Variants in ALKBH3 observed in about 807,000 individuals in gnomAD.
ALKBH3 encodes alpha-ketoglutarate-dependent dioxygenase alkB homolog 3.
Under a neutral mutation model 43.9 loss-of-function variants are expected in ALKBH3, and 51 were observed. That is an observed-to-expected ratio of 1.16 (90% CI 0.93 to 1.47). ALKBH3 has a LOEUF of 1.47. Among genes scored for constraint, ALKBH3 ranks in the 40% most tolerant of loss-of-function variants. The pLI is 0.00. For synonymous variants in ALKBH3, 102 were observed against 115.2 expected, an observed-to-expected ratio of 0.89 and a Z score of 0.73; for missense variants, 361 against 351.9, an observed-to-expected ratio of 1.03 and a Z score of -0.21.
intron 7 of ALKBH3, among the ~76,000 whole-genome samples, chr11:43,894,509 T>A (rs1189452772): frequency 6.6e-6 from 1 of 152,198 alleles, no homozygotes; most frequent in African/African-American, 2.4e-5. Flanking sequence ...ATCCCCTTTT[T>A]TCTTCCTTTT....
At chr11:43,906,739 C>T (rs1398497420) in intron 8 of ALKBH3, among the ~76,000 whole-genome samples, 1 of 152,064 alleles carries the variant, frequency 6.6e-6, no homozygotes, top group Admixed American at 6.5e-5. Context: ...AAAAGAAATA[C>T]TTGAAATCAA....
intron 4 of ALKBH3, among the ~76,000 whole-genome samples, chr11:43,884,760 T>A (rs2135175946): frequency 6.6e-6 from 1 of 152,308 alleles, no homozygotes; most frequent in South Asian, 2.1e-4. Flanking sequence ...TTATTATTTT[T>A]TATTTTTTTG....
chr11:43,883,205 T>C lies in ALKBH3; in HGVS notation c.183+17T>C. 6.3e-7 allele frequency: 1 copy of C among 1,594,712 alleles called. No homozygotes were observed. On this transcript the variant is annotated intron_variant, in intron 3 of 9. Transcript: ENST00000302708. ...CCTCAGCAGGTAAATTCATGGTTTT[T>C]TCTTCAATAGTGATAAAAATTTGCT... is the stretch of plus-strand genomic sequence containing the variant.
chr11:43,907,574 C>A (rs1185266504), intron 8 of ALKBH3, among the ~76,000 whole-genome samples: 3 of 152,142 alleles, frequency 2.0e-5, no homozygotes, highest in Admixed American at 6.6e-5. Context: ...CCTTGCCATA[C>A]TCTTAAGGAC....
rs1209899722 is a variant in ALKBH3, at chr11:43,881,022, C to CA, written c.-227dup. 3 of 152,266 alleles carry CA rather than the reference C, an allele frequency of 2.0e-5. No individual in the cohort carries two copies. The highest frequency in any genetic ancestry group is 4.4e-5 in the Non-Finnish European group (3 of 68,060). 9.4% of individuals were successfully genotyped at this position (152,266 alleles called of 1,614,324 possible). A position where few individuals can be genotyped will look rare whatever the true frequency, so the allele number is the denominator to read the frequency against. On this transcript the variant is annotated 5_prime_UTR_variant, in exon 1 of 10. Transcript: ENST00000302708. ...TCTTCCTGGGCGACCTCCGGGGCCT[C>CA]ATTCTAGGCCTCCTTAAAGAGAAGG...
chr11:43,905,091 T>G (rs1188208387), intron 8 of ALKBH3, among the ~76,000 whole-genome samples: 1 of 152,254 alleles, frequency 6.6e-6, no homozygotes, highest in Non-Finnish European at 1.5e-5. Context: ...TTTCCTGCAC[T>G]TTGTTCAAAT....
Position 43,895,360 on chromosome 11 carries a change from C to A in ALKBH3, c.459+3231C>A, listed in dbSNP as rs12577608. On this transcript the variant is annotated intron_variant, in intron 7 of 9. Transcript: ENST00000302708. ...TGGTAGTGAATAAGTCTCATGAGAT[C>A]TGATGGTTTTATAAATGGGAGTTCC... Among the ~76,000 whole-genome samples, 1,061 of 152,258 alleles carry A rather than the reference C, an allele frequency of 7.0e-3. 24 individuals are homozygous for A. The highest frequency in any genetic ancestry group is 0.054 in the East Asian group (281 of 5,172).
At chr11:43,891,966 G>A (rs758135118) in intron 6 of ALKBH3, 75 bp from the exon 7 acceptor site, 6 of 1,133,196 alleles carry the variant, frequency 5.3e-6, no homozygotes, top group Non-Finnish European at 7.9e-6. Flanking sequence ...ACATTGCAAG[G>A]CACAAAGTTG....
intron 7 of ALKBH3, among the ~76,000 whole-genome samples, chr11:43,896,530 G>C (rs1280240264): frequency 1.3e-5 from 2 of 152,080 alleles, no homozygotes; most frequent in African/African-American, 4.8e-5. Flanking sequence ...ATATTCACTG[G>C]CAGCTGATTA....
intron 8 of ALKBH3, among the ~76,000 whole-genome samples, chr11:43,906,766 T>A (rs1951899027): frequency 6.6e-6 from 1 of 152,240 alleles, no homozygotes; most frequent in Non-Finnish European, 1.5e-5. Context: ...ATAGCCATGA[T>A]CATTTAAAAA....
At chr11:43,885,423 A>C (rs544923457) in intron 4 of ALKBH3, among the ~76,000 whole-genome samples, 2 of 152,354 alleles carry the variant, frequency 1.3e-5, no homozygotes, top group South Asian at 4.1e-4. Context: ...CTATGCCTAC[A>C]TTTTGGCTGA....
At position 43,898,157 on chromosome 11, in the gene ALKBH3, A is replaced by G. The variant is rs541395893; in HGVS notation, c.460-3359A>G. On this transcript the variant is annotated intron_variant, in intron 7 of 9. Transcript: ENST00000302708. ...CCTGATAACAAACTAGATGCTGACT[A>G]CATCAAGAGATACCTGGGCGATTTG... The G allele has an allele frequency of 1.7e-3, 2,135 of 1,224,004 alleles. 6 individuals are homozygous for G. The highest frequency in any genetic ancestry group is 2.2e-3 in the Non-Finnish European group (1,826 of 825,528). 75.8% of individuals were successfully genotyped at this position (1,224,004 alleles called of 1,614,324 possible).
At chr11:43,909,292 G>T (rs1333354825) in intron 8 of ALKBH3, 4 of 152,200 alleles carry the variant, frequency 2.6e-5, no homozygotes, top group African/African-American at 9.7e-5. Context: ...AGATGACTTT[G>T]TGGGGTCCCA....
intron 8 of ALKBH3, 106 bp from the exon 9 acceptor site, chr11:43,918,932 C>G (rs1183939020): frequency 6.0e-6 from 5 of 830,888 alleles, no homozygotes; most frequent in Non-Finnish European, 9.9e-6. Flanking sequence ...TGGATTCCCA[C>G]AGTCTGGCTG....
intron 1 of ALKBH3, chr11:43,881,416 CAT>C (rs1951710153): frequency 6.6e-6 from 1 of 152,248 alleles, no homozygotes; most frequent in Non-Finnish European, 1.5e-5. Flanking sequence ...TGGCAAATAA[CAT>C]ATGGCTCCCC....
intron 7 of ALKBH3, chr11:43,898,422 G>A: frequency 2.8e-6 from 2 of 726,882 alleles, no homozygotes; most frequent in Non-Finnish European, 5.0e-6. Flanking sequence ...CGGGAGGCTG[G>A]CATCATCACG....
intron 8 of ALKBH3, among the ~76,000 whole-genome samples, chr11:43,907,245 G>C (rs1055658538): frequency 2.6e-5 from 4 of 151,978 alleles, no homozygotes; most frequent in African/African-American, 9.7e-5. Context: ...GTGTGTTTAA[G>C]CAGATAAAGA....
chr11:43,893,836 TAC>T (rs1325250113), intron 7 of ALKBH3, among the ~76,000 whole-genome samples: 3 of 152,232 alleles, frequency 2.0e-5, no homozygotes, highest in African/African-American at 7.2e-5. Context: ...TTCATTTATA[TAC>T]TGTCTTGAAC....
intron 6 of ALKBH3, among the ~76,000 whole-genome samples, chr11:43,890,085 G>T (rs928556042): frequency 9.9e-5 from 15 of 152,188 alleles, no homozygotes; most frequent in African/African-American, 3.4e-4. Flanking sequence ...AGGAAATTTG[G>T]TTGGCTGAAC....
Sources: gnomAD v4.1 joint callset for allele counts (sites outside exome capture counted in the v4.1 genomes callset) on GRCh38, gnomAD v4.1.1 for gene constraint, MANE v1.5 for transcripts, NCBI Gene and HGNC (gene_info 2026-07-23, HGNC 2026-07-21) for gene names.